STOX1: variants seen among roughly 807,000 people sequenced by gnomAD.
The protein encoded by STOX1 is storkhead box 1, also known as storkhead-box protein 1.
In STOX1, 57 loss-of-function variants were observed where a neutral mutation model predicts 74.8. The observed-to-expected ratio is 0.76, with a 90% CI of 0.62 to 0.95. The LOEUF (loss-of-function observed/expected upper bound fraction) is 0.95. STOX1 is among the 40% of genes least tolerant of loss of function. STOX1 has a pLI of 0.00. For missense variants in STOX1, 1,010 were observed against 1,117.0 expected (o/e 0.90, Z 1.37); for synonymous variants, 375 against 401.3 (o/e 0.93, Z 0.78).
At chr10:68,880,361 T>TTAC (rs1041046092) in intron 1 of STOX1, among the ~76,000 whole-genome samples, 1 of 151,988 alleles carries the variant, frequency 6.6e-6, no homozygotes, top group African/African-American at 2.4e-5. Flanking sequence ...ATTTTTATCT[T>TTAC]TGTAGAGATT....
intron 1 of STOX1, among the ~76,000 whole-genome samples, chr10:68,833,972 T>C (rs760647146): frequency 6.6e-5 from 10 of 152,316 alleles, no homozygotes; most frequent in East Asian, 3.9e-4. Context: ...TGGGAGGCCA[T>C]GTTCTGGAAA....
At chr10:68,857,535 TA>T (rs1840157096) in intron 1 of STOX1, among the ~76,000 whole-genome samples, 2 of 152,104 alleles carry the variant, frequency 1.3e-5, no homozygotes, top group South Asian at 4.1e-4. Flanking sequence ...CAGAGTTAGG[TA>T]AATCTTTCTG....
chr10:68,890,221 A>G (rs951009059), intron 3 of STOX1, among the ~76,000 whole-genome samples: 4 of 151,730 alleles, frequency 2.6e-5, no homozygotes, highest in African/African-American at 7.3e-5. Context: ...GATAGAGTAC[A>G]GTGGTTCAGT....
At chr10:68,831,125 A>G (rs1464771329) in intron 1 of STOX1, among the ~76,000 whole-genome samples, 1 of 152,194 alleles carries the variant, frequency 6.6e-6, no homozygotes, top group Non-Finnish European at 1.5e-5. Context: ...TGTAGGAAAG[A>G]GCAAAATGCT....
intron 3 of STOX1, among the ~76,000 whole-genome samples, chr10:68,887,597 T>C (rs1267772126): frequency 3.5e-4 from 1 of 2,874 alleles, no homozygotes; most frequent in East Asian, 0.026. Context: ...TTTTCTTTCT[T>C]TTTTTTTTTT....
At chr10:68,861,369 G>A (rs545973218) in intron 1 of STOX1, among the ~76,000 whole-genome samples, 6 of 152,220 alleles carry the variant, frequency 3.9e-5, no homozygotes, top group East Asian at 3.9e-4. Context: ...GGCATAGATC[G>A]CTCATGCCAT....
chr10:68,848,156 G>C (rs1163176), intron 1 of STOX1, among the ~76,000 whole-genome samples: 151,795 of 152,368 alleles, frequency 1, 75,613 homozygotes, highest in Middle Eastern at 1. Context: ...CCAGGTGGGA[G>C]ATAGTGAGGG....
Position 68,884,406 on chromosome 10 carries a change from A to G in STOX1, c.610A>G (p.Arg204Gly). Residue 204 changes from arginine (R) to glycine (G), a missense_variant, in exon 3 of 4, where the codon AGA (arginine) becomes GGA (glycine). By Grantham distance (125) the Arg-to-Gly change is moderately radical (BLOSUM62 -2). Coordinates refer to ENST00000298596, the MANE Select transcript of STOX1 (RefSeq NM_152709.5). ...ITNTTTQENK[R>G]MLPSDESRLM... ...AAATACAACCACCCAGGAAAATAAG[A>G]GAATGCTGCCATCAGATGAAAGTCG... 6.2e-7 allele frequency: 1 copy of G among 1,614,124 alleles called. No individual in the cohort carries two copies.
intron 1 of STOX1, among the ~76,000 whole-genome samples, chr10:68,855,369 C>T (rs917135835): frequency 3.3e-5 from 5 of 151,946 alleles, no homozygotes; most frequent in Admixed American, 3.3e-4. Context: ...GATCCTCCCG[C>T]CTTGGCCTCC....
Position 68,886,285 on chromosome 10 carries a change from T to G in STOX1, c.2489T>G (p.Phe830Cys). 6.2e-7 allele frequency: 1 copy of G among 1,614,204 alleles called. No individual in the cohort carries two copies. The highest frequency in any genetic ancestry group is 8.5e-7 in the Non-Finnish European group (1 of 1,180,032). The change falls in exon 3 of 4, where the codon TTT becomes TGT. Residue 830 changes from phenylalanine (F) to cysteine (C), a missense_variant. Transcript: ENST00000298596. ...TGTGGCCTAAATTCAGGGGCCCAGTTTGGTTTTAACTACGAAGAAGAACCC... is the reference window on the plus strand; with the variant it reads ...TGTGGCCTAAATTCAGGGGCCCAGTGTGGTTTTAACTACGAAGAAGAACCC... ...ESCGLNSGAQ[F>C]GFNYEEEPSV...
chr10:68,864,146 G>A (rs568825381), intron 1 of STOX1, among the ~76,000 whole-genome samples: 5 of 151,904 alleles, frequency 3.3e-5, no homozygotes, highest in African/African-American at 9.7e-5. Context: ...GGATGATCTC[G>A]ATCTCCTGAC....
chr10:68,866,205 T>A (rs1057464042), intron 1 of STOX1, among the ~76,000 whole-genome samples: 1 of 152,102 alleles, frequency 6.6e-6, no homozygotes, highest in African/African-American at 2.4e-5. Context: ...AGTCCCAGGT[T>A]GTCCATTGGG....
rs1354059789 is a variant in STOX1 at position 68,885,027 on chromosome 10, G to T, written c.1231G>T (p.Gly411Trp). The T allele has an allele frequency of 6.2e-7, 1 of 1,614,148 alleles. No individual in the cohort carries two copies. Among genetic ancestry groups the T allele is most frequent in the African/African-American group, 1.3e-5 (1 of 75,030 alleles). ...CGGGCATAAGTATCCTTCAAAAGAG[G>T]GGGTTAAGAAAAGGCAGGGTCTGTC... ...TIGHKYPSKEGVKKRQGLSAK... is the reference protein window; with the variant it reads ...TIGHKYPSKEWVKKRQGLSAK... The change falls in exon 3 of 4, where the codon GGG (glycine) becomes TGG (tryptophan). Residue 411 changes from glycine to tryptophan, a missense_variant. By Grantham distance (184) the Gly-to-Trp change is radical. Transcript: ENST00000298596.
intron 1 of STOX1, among the ~76,000 whole-genome samples, chr10:68,866,922 CTGAT>C (rs1458839865): frequency 6.7e-6 from 1 of 149,862 alleles, no homozygotes; most frequent in Admixed American, 6.7e-5. Context: ...TAGAATGACA[CTGAT>C]TGGACCAATG....
intron 1 of STOX1, among the ~76,000 whole-genome samples, chr10:68,847,235 AT>A (rs1257896371): frequency 6.6e-6 from 1 of 152,198 alleles, no homozygotes. Context: ...CTTGAGGAGA[AT>A]TAGAACATCT....
At chr10:68,887,978 T>C (rs1276681349) in intron 3 of STOX1, among the ~76,000 whole-genome samples, 2 of 149,818 alleles carry the variant, frequency 1.3e-5, no homozygotes, top group African/African-American at 4.8e-5. Context: ...ACTTAAGTAC[T>C]GAAAAGTATT....
intron 1 of STOX1, among the ~76,000 whole-genome samples, chr10:68,840,337 A>G (rs977898321): frequency 6.6e-6 from 1 of 152,232 alleles, no homozygotes; most frequent in African/African-American, 2.4e-5. Flanking sequence ...ACTAAGTACA[A>G]GCATCAACTA....
intron 1 of STOX1, among the ~76,000 whole-genome samples, chr10:68,833,482 C>T (rs1367820693): frequency 1.3e-5 from 2 of 152,110 alleles, no homozygotes; most frequent in African/African-American, 2.4e-5. Context: ...GTGAGCAATT[C>T]CTGTCCCTTT....
At chr10:68,850,012 T>G (rs1314799214) in intron 1 of STOX1, among the ~76,000 whole-genome samples, 2 of 151,986 alleles carry the variant, frequency 1.3e-5, no homozygotes, top group Admixed American at 1.3e-4. Context: ...CAGAGCTGTG[T>G]TTTTTGTTTT....
Sources: gnomAD v4.1 joint callset for allele counts (sites outside exome capture counted in the v4.1 genomes callset) on GRCh38, gnomAD v4.1.1 for gene constraint, MANE v1.5 for transcripts, NCBI Gene and HGNC (gene_info 2026-07-23, HGNC 2026-07-21) for gene names.